AGAP1: variants seen among roughly 807,000 people sequenced by gnomAD.
The protein encoded by AGAP1 is arf-GAP with GTPase, ANK repeat and PH domain-containing protein 1.
A neutral mutation model predicts 105.3 loss-of-function variants in AGAP1; 29 were observed. The observed-to-expected ratio is 0.28, with a 90% CI of 0.21 to 0.38. The LOEUF is 0.38. Ranked by LOEUF, AGAP1 falls within the 10% of genes least tolerant of loss-of-function variation. AGAP1 has a pLI of 1.00. For synonymous variants in AGAP1, 509 were observed against 485.9 expected (o/e 1.05, Z -0.63); for missense variants, 998 against 1,165.1 (o/e 0.86, Z 2.09).
In AGAP1 at chr2:235,578,621, A is replaced by G. The variant is rs1439025881; in HGVS notation, c.163+83772A>G. ...AACATGGTGAAACCTCGTCTCTACT[A>G]AAAATACAAAAAAATTAGCTGGATG... On this transcript the variant is annotated intron_variant, in intron 1 of 17. Coordinates refer to ENST00000304032, the MANE Select transcript of AGAP1 (RefSeq NM_001037131.3). This position sits in a 1 kb window ranked among gnomAD's most constrained non-coding sequence, Gnocchi z 4.9. Among the ~76,000 whole-genome samples the G allele has an allele frequency of 6.6e-6, 1 of 151,900 alleles. No homozygotes were observed. The highest frequency in any genetic ancestry group is 1.5e-5 in the Non-Finnish European group (1 of 67,984).
Position 236,040,647 on chromosome 2 carries a change from C to T in AGAP1, c.1801-104C>T, listed in dbSNP as rs1441303735. ...TGATTGTTTAGAAATTACCCTCGTC[C>T]TACATTTGCTCCCAATCTGTTTGAT... On this transcript the variant is annotated intron_variant, in intron 14 of 17. Transcript: ENST00000304032. This position sits in a 1 kb window ranked among gnomAD's most constrained non-coding sequence, Gnocchi z 5.6. 1.0e-6 allele frequency: 1 copy of T among 957,292 alleles called. No homozygotes were observed. Among genetic ancestry groups the T allele is most frequent in the Non-Finnish European group, 1.6e-6 (1 of 644,160 alleles). 59.3% of individuals were successfully genotyped at this position (957,292 alleles called of 1,614,324 possible).
At chr2:235,530,593 G>A (rs1943010397) in intron 1 of AGAP1, among the ~76,000 whole-genome samples, 1 of 152,068 alleles carries the variant, frequency 6.6e-6, no homozygotes, top group African/African-American at 2.4e-5. Flanking sequence ...CCCTTCCTCT[G>A]TCTTCAAAAC....
chr2:235,923,089 T>C (rs933761129), intron 11 of AGAP1, among the ~76,000 whole-genome samples: 4 of 152,152 alleles, frequency 2.6e-5, no homozygotes, highest in African/African-American at 9.7e-5. Context: ...AGCTGATCCG[T>C]AGATGGGGTA....
In AGAP1 at chr2:235,993,077, C is replaced by G. The variant is rs965177359; in HGVS notation, c.1645+24454C>G. 6.6e-6 allele frequency among the ~76,000 whole-genome samples: 1 copy of G among 152,190 alleles called. No individual in the cohort carries two copies. Among genetic ancestry groups the G allele is most frequent in the African/African-American group, 2.4e-5 (1 of 41,446 alleles). On this transcript the variant is annotated intron_variant, in intron 13 of 17. Transcript: ENST00000304032. This position sits in a 1 kb window ranked among gnomAD's most constrained non-coding sequence, Gnocchi z 5.0. The stretch of plus-strand genomic sequence containing the variant: ...TTTTCATATGTACATCTGAAAATGA[C>G]TTTAGCAGAGATTCTAGCTAATACA...
chr2:235,498,523 C>T (rs1369199822), intron 1 of AGAP1, among the ~76,000 whole-genome samples: 2 of 152,198 alleles, frequency 1.3e-5, no homozygotes, highest in African/African-American at 4.8e-5. Context: ...GTTAGTTTCC[C>T]CTCTGGTTCT....
intron 1 of AGAP1, among the ~76,000 whole-genome samples, chr2:235,558,705 G>A (rs1944051627): frequency 6.6e-6 from 1 of 152,154 alleles, no homozygotes; most frequent in African/African-American, 2.4e-5. Flanking sequence ...GCCTCGAAAT[G>A]TGCGATTAGA....
At position 236,125,997 on chromosome 2, in the gene AGAP1, CTTATATT is replaced by C. The variant is rs1157866590; in HGVS notation, c.*1881_*1887del. On this transcript the variant is annotated 3_prime_UTR_variant, in exon 18 of 18. Coordinates refer to ENST00000304032, the MANE Select transcript of AGAP1 (RefSeq NM_001037131.3). The surrounding 1 kb of genome is among the most constrained non-coding windows in gnomAD (Gnocchi z 5.2). ...TTCCTCGCTCTCTCGTATGTTAAACCTTATATTTTATAAGAGTTTTTCCTCTTATTTC... is the reference window on the plus strand; with the variant it reads ...TTCCTCGCTCTCTCGTATGTTAAACCTTATAAGAGTTTTTCCTCTTATTTC... 1 of 151,802 alleles carries C rather than the reference CTTATATT, an allele frequency of 6.6e-6. No homozygotes were observed. The highest frequency in any genetic ancestry group is 1.9e-4 in the East Asian group (1 of 5,190). The allele number at this position is 151,802 out of a possible 1,614,324, so 9.4% of individuals were successfully genotyped here.
At chr2:235,704,742 G>A (rs56201314) in intron 1 of AGAP1, among the ~76,000 whole-genome samples, 11,619 of 152,192 alleles carry the variant, frequency 0.076, 1,453 homozygotes, top group African/African-American at 0.26. Context: ...AGTCTAGGGC[G>A]AGCAGGCTCT....
At chr2:235,502,207 A>T (rs1294765912) in intron 1 of AGAP1, among the ~76,000 whole-genome samples, 5 of 152,070 alleles carry the variant, frequency 3.3e-5, no homozygotes, top group Admixed American at 2.0e-4. Context: ...GTCACAAGAG[A>T]CCATGGCCAG....
intron 9 of AGAP1, among the ~76,000 whole-genome samples, chr2:235,847,020 C>G (rs565311335): frequency 6.6e-6 from 1 of 152,140 alleles, no homozygotes; most frequent in African/African-American, 2.4e-5. Flanking sequence ...GTCCCAGGTT[C>G]GACATGTTGA....
At chr2:236,099,298 CA>C (rs1037396158) in intron 16 of AGAP1, among the ~76,000 whole-genome samples, 4 of 151,730 alleles carry the variant, frequency 2.6e-5, no homozygotes, top group African/African-American at 9.7e-5. Flanking sequence ...TAAAAAAATA[CA>C]AAAAAATTAG....
intron 9 of AGAP1, among the ~76,000 whole-genome samples, chr2:235,868,136 C>T (rs1407683728): frequency 1.3e-5 from 2 of 151,208 alleles, no homozygotes; most frequent in Non-Finnish European, 3.0e-5. Flanking sequence ...AATCATAAGA[C>T]ACTAAATGAG....
intron 9 of AGAP1, among the ~76,000 whole-genome samples, chr2:235,859,464 C>T (rs1487448797): frequency 7.0e-6 from 1 of 143,668 alleles, no homozygotes; most frequent in Non-Finnish European, 1.5e-5. Flanking sequence ...AAACGACACA[C>T]TATTTTGGAT....
chr2:235,651,431 T>C (rs1015403538), intron 1 of AGAP1, among the ~76,000 whole-genome samples: 1 of 152,208 alleles, frequency 6.6e-6, no homozygotes, highest in African/African-American at 2.4e-5. Flanking sequence ...GCAGTGAATG[T>C]TGCAGACAAA....
At chr2:236,030,355 T>G (rs1418868650) in intron 13 of AGAP1, among the ~76,000 whole-genome samples, 3 of 152,188 alleles carry the variant, frequency 2.0e-5, no homozygotes, top group Non-Finnish European at 4.4e-5. Flanking sequence ...CTGTCTTGTT[T>G]GCAGTGTGTT....
intron 9 of AGAP1, among the ~76,000 whole-genome samples, chr2:235,846,145 T>G (rs908338612): frequency 6.6e-6 from 1 of 152,200 alleles, no homozygotes. Context: ...GAAAGAGACA[T>G]CCTTGTAAAT....
intron 6 of AGAP1, among the ~76,000 whole-genome samples, chr2:235,767,166 C>T (rs569819386): frequency 5.1e-4 from 77 of 152,260 alleles, no homozygotes; most frequent in Non-Finnish European, 9.1e-4. Flanking sequence ...CCACCTTGGC[C>T]TCCCAAAGTG....
At chr2:235,731,511 A>G (rs897951925) in intron 3 of AGAP1, among the ~76,000 whole-genome samples, 1 of 152,336 alleles carries the variant, frequency 6.6e-6, no homozygotes, top group East Asian at 1.9e-4. Flanking sequence ...GCTGCGTATT[A>G]GGAAGAGGCC....
chr2:235,844,350 C>T (rs1454536606), intron 9 of AGAP1, among the ~76,000 whole-genome samples: 7 of 152,196 alleles, frequency 4.6e-5, no homozygotes, highest in African/African-American at 9.7e-5. Context: ...CAGGGGCAGC[C>T]GTCCCTCACT....
Sources: allele counts gnomAD v4.1 joint callset (sites outside exome capture counted in the v4.1 genomes callset), GRCh38; gene constraint gnomAD v4.1.1; non-coding constraint Gnocchi (gnomAD v3.1); transcripts MANE v1.5; gene names NCBI Gene and HGNC (gene_info 2026-07-23, HGNC 2026-07-21).